IRS4: variants seen among roughly 807,000 people sequenced by gnomAD.
IRS4 encodes the protein insulin receptor substrate 4, also known as 160 kDa phosphotyrosine protein.
In IRS4, 15 loss-of-function variants were observed where a neutral mutation model predicts 48.6. The ratio of observed to expected loss-of-function variants is 0.31; its 90% CI spans 0.21 to 0.48. The LOEUF (loss-of-function observed/expected upper bound fraction) is 0.48, where lower values mean the gene tolerates loss of function less well. Ranked by LOEUF, IRS4 falls within the 20% of genes least tolerant of loss-of-function variation. The probability of loss-of-function intolerance (pLI) is 0.99; values close to 1 mark genes in which losing one functional copy is unlikely to be tolerated. For missense variants in IRS4, 987 were observed against 1,023.4 expected, an observed-to-expected ratio of 0.96 and a Z score of 0.49; for synonymous variants, 459 against 413.2, an observed-to-expected ratio of 1.11 and a Z score of -1.34.
rs2068855034 is a variant in IRS4 at position 108,721,264 on chromosome X, C to T, written c.*1255G>A. The T allele has an allele frequency of 8.9e-6, 1 of 111,767 alleles. No individual in the cohort carries two copies. Among genetic ancestry groups the T allele is most frequent in the African/African-American group, 3.3e-5 (1 of 30,712 alleles). The allele number at this position is 111,767 out of a possible 1,213,427, so 9.2% of individuals were successfully genotyped here. ...ACCACGGAACAAAGCTCTAAGCAAG[C>T]TTCAAGACCTTTGTACCTATTCTCT... On this transcript the variant is annotated 3_prime_UTR_variant, in exon 2 of 2. Transcript: ENST00000372129.
chrX:108,728,686 T>G (rs1032154249), intron 1 of IRS4, among the ~76,000 whole-genome samples: 4 of 112,015 alleles, frequency 3.6e-5, no homozygotes, highest in African/African-American at 1.3e-4. Context: ...AATAGACCCT[T>G]TTAAATCACA....
rs777488915 is a variant in IRS4 at position 108,734,035 on chromosome X, T to C, written c.2310A>G (p.Ser770=). 4 of 1,211,862 alleles carry C rather than the reference T, an allele frequency of 3.3e-6. No homozygotes were observed. The South Asian group carries it at 5.3e-5, about 16-fold the overall frequency. The stretch of plus-strand genomic sequence containing the variant: ...AGTCACTCTCACTGTCATTGTCCTT[T>C]GAGTCATCCTCTTTATTAGTATCAG... ...KAPDTNKEDD[S]KDNDSESDYM... The change falls in exon 1 of 2, where the codon TCA becomes TCG. Residue 770 remains serine (S), a synonymous_variant. Transcript: ENST00000372129.
In IRS4 at chrX:108,722,356, A is replaced by G; in HGVS notation, c.*163T>C. On this transcript the variant is annotated 3_prime_UTR_variant, in exon 2 of 2. Transcript: ENST00000372129. The stretch of plus-strand genomic sequence containing the variant: ...AGTATGAATGATCTGCATGAATAGG[A>G]TCATTCAATTGCCAGAGTCCACTTG... 1 of 246,320 alleles carries G rather than the reference A, an allele frequency of 4.1e-6. No individual in the cohort carries two copies. The highest frequency in any genetic ancestry group is 4.5e-5 in the South Asian group (1 of 22,136). 20.3% of individuals were successfully genotyped at this position (246,320 alleles called of 1,213,427 possible). A position where few individuals can be genotyped will look rare whatever the true frequency, so the allele number is the denominator to read the frequency against.
intron 1 of IRS4, among the ~76,000 whole-genome samples, chrX:108,731,221 TG>T (rs765497211): frequency 3.6e-5 from 4 of 110,200 alleles, no homozygotes; most frequent in Non-Finnish European, 5.7e-5. Flanking sequence ...AAAGGGGATG[TG>T]GGGGGGCTAC....
chrX:108,736,009 G>A lies in IRS4; in HGVS notation c.336C>T (p.Tyr112=). The A allele has an allele frequency of 8.3e-7, 1 of 1,210,375 alleles. No individual in the cohort carries two copies. The highest frequency in any genetic ancestry group is 1.1e-6 in the Non-Finnish European group (1 of 895,253). ...TGTGCCGGAACTTCCTGGCATTTTC[G>A]TAGTATTCCAGCCGAGCTGGGGCGT... ...TADAPARLEY[Y]ENARKFRHSV... Residue 112 remains tyrosine (Y), a synonymous_variant, in exon 1 of 2, where the codon TAC becomes TAT. Coordinates refer to ENST00000372129, the MANE Select transcript of IRS4 (RefSeq NM_001379150.1).
At position 108,733,780 on chromosome X, in the gene IRS4, A is replaced by C; in HGVS notation, c.2565T>G (p.Ala855=). The change falls in exon 1 of 2, where the codon GCT becomes GCG. Residue 855 remains alanine, a synonymous_variant. Coordinates refer to ENST00000372129, the MANE Select transcript of IRS4 (RefSeq NM_001379150.1). ...ATGATCCCTCACCTGAAGGCTTTGA[A>C]GCTGCATCTTTGGGGTCCCAGTTAT... ...VSYNWDPKDA[A]SKPSGEGSFS... The C allele has an allele frequency of 8.3e-7, 1 of 1,211,897 alleles. No homozygotes were observed. Among genetic ancestry groups the C allele is most frequent in the South Asian group, 1.8e-5 (1 of 56,992 alleles).
rs774984415 is a variant in IRS4, at chrX:108,735,643, C to T, written c.702G>A (p.Val234=). The change falls in exon 1 of 2, where the codon GTG becomes GTA. Residue 234 remains valine, a synonymous_variant. Transcript: ENST00000372129. ...AAAEPPFYKD[V]WQVIVKPRGL... ...CCCTGGGTTTGACTATTACCTGCCA[C>T]ACATCTTTATAGAAGGGTGGCTCCG... 2 of 1,206,935 alleles carry T rather than the reference C, an allele frequency of 1.7e-6. No individual in the cohort carries two copies. The highest frequency in any genetic ancestry group is 2.2e-6 in the Non-Finnish European group (2 of 894,199).
chrX:108,734,669 C>T lies in IRS4; in HGVS notation c.1676G>A (p.Gly559Asp). The T allele has an allele frequency of 8.3e-7, 1 of 1,211,161 alleles. No individual in the cohort carries two copies. The highest frequency in any genetic ancestry group is 1.1e-6 in the Non-Finnish European group (1 of 895,388). ...GQGTAGGHGS[G>D]GGQRPGGGHG... The stretch of plus-strand genomic sequence containing the variant: ...CCCACCTCCAGGTCTCTGGCCACCA[C>T]CTGAACCGTGCCCACCTGCGGTGCC... The change falls in exon 1 of 2, where the codon GGT becomes GAT. Residue 559 changes from glycine (G) to aspartate (D), a missense_variant. Around this residue, in one of 4 missense-constraint regions of IRS4, gnomAD observed 720 missense variants for 660.3 expected, o/e 1.09. Transcript: ENST00000372129.
chrX:108,734,483 T>G lies in IRS4; in HGVS notation c.1862A>C (p.Gln621Pro). 2 of 1,211,378 alleles carry G rather than the reference T, an allele frequency of 1.7e-6. No homozygotes were observed. The highest frequency in any genetic ancestry group is 2.2e-6 in the Non-Finnish European group (2 of 895,430). ...TGGTGGCATTTGCTGTTGCTTGCTT[T>G]GAGTTAATTTGCCAAAATAGGATCT... ...KKRSYFGKLTQSKQQQMPPPP... is the reference protein window; with the variant it reads ...KKRSYFGKLTPSKQQQMPPPP... The change falls in exon 1 of 2, where the codon CAA becomes CCA. Residue 621 changes from glutamine (Q) to proline (P), a missense_variant. Physicochemically the swap from Gln to Pro is moderately conservative, Grantham distance 76. Around this residue, in one of 4 missense-constraint regions of IRS4, gnomAD observed 720 missense variants for 660.3 expected, o/e 1.09. Coordinates refer to ENST00000372129, the MANE Select transcript of IRS4 (RefSeq NM_001379150.1).
In IRS4 at chrX:108,730,689, C is replaced by T. The variant is rs1436561451; in HGVS notation, c.3766+1890G>A. ...CAAAGTCATAAATCAGGAATTTATGCTAAAATAATGATCATTGTGTCTAGG... is the reference window on the plus strand; with the variant it reads ...CAAAGTCATAAATCAGGAATTTATGTTAAAATAATGATCATTGTGTCTAGG... On this transcript the variant is annotated intron_variant, in intron 1 of 1. Transcript: ENST00000372129. Among the ~76,000 whole-genome samples, 3 of 111,715 alleles carry T rather than the reference C, an allele frequency of 2.7e-5. No individual in the cohort carries two copies. The East Asian group carries it at 8.4e-4, about 31-fold the overall frequency.
Position 108,732,937 on chromosome X carries a change from C to T in IRS4, c.3408G>A (p.Ala1136=). 1 of 1,187,276 alleles carries T rather than the reference C, an allele frequency of 8.4e-7. No individual in the cohort carries two copies. The highest frequency in any genetic ancestry group is 1.1e-6 in the Non-Finnish European group (1 of 881,547). ...CCGGGGCTGCGGCGAGCGCGGAGGCCGCAGCTACAACTTGGCTGAGGGCTA... is the reference window on the plus strand; with the variant it reads ...CCGGGGCTGCGGCGAGCGCGGAGGCTGCAGCTACAACTTGGCTGAGGGCTA... ...PTLALSQVVA[A]ASALAAAPGI... is the part of the protein sequence containing the mutation. The change falls in exon 1 of 2, where the codon GCG becomes GCA. Residue 1136 remains alanine (A), a synonymous_variant. Coordinates refer to ENST00000372129, the MANE Select transcript of IRS4 (RefSeq NM_001379150.1).
rs753550993 is a variant in IRS4, at chrX:108,732,828, C to T, written c.3517G>A (p.Glu1173Lys). The change falls in exon 1 of 2, where the codon GAA (glutamate) becomes AAA (lysine). Residue 1173 changes from glutamate (E) to lysine (K), a missense_variant. Physicochemically the swap from Glu to Lys is moderately conservative, Grantham distance 56. Around this residue, in one of 4 missense-constraint regions of IRS4, gnomAD observed 720 missense variants for 660.3 expected, o/e 1.09. Transcript: ENST00000372129. Reference protein sequence around the residue: ...FQPVANAADAEAVRGAQDVAG... With the variant: ...FQPVANAADAKAVRGAQDVAG... The stretch of plus-strand genomic sequence containing the variant: ...ACGTCTTGGGCTCCCCTTACTGCTT[C>T]GGCATCAGCAGCATTAGCAACAGGT... 1.0e-5 allele frequency: 12 copies of T among 1,175,912 alleles called. No homozygotes were observed. The East Asian group carries it at 3.0e-4, about 29-fold the overall frequency.
chrX:108,725,916 G>C (rs1289922105), intron 1 of IRS4: 1 of 111,742 alleles, frequency 8.9e-6, no homozygotes, highest in East Asian at 2.8e-4. Flanking sequence ...AGCAGGCCCT[G>C]GGCCACTTAT....
rs953333418 is a variant in IRS4 at position 108,722,205 on chromosome X, T to C, written c.*314A>G. 1 of 113,933 alleles carries C rather than the reference T, an allele frequency of 8.8e-6. No individual in the cohort carries two copies. Among genetic ancestry groups the C allele is most frequent in the Non-Finnish European group, 1.8e-5 (1 of 54,383 alleles). The allele number at this position is 113,933 out of a possible 1,213,427, so 9.4% of individuals were successfully genotyped here. ...TTTTTTTTAAAGAGGGAAAGAGTTATGAGATGCTCACTTGTATAGTATCTG... is the reference window on the plus strand; with the variant it reads ...TTTTTTTTAAAGAGGGAAAGAGTTACGAGATGCTCACTTGTATAGTATCTG... On this transcript the variant is annotated 3_prime_UTR_variant, in exon 2 of 2. Transcript: ENST00000372129.
In IRS4 at chrX:108,734,296, A is replaced by G. The variant is rs2068929755; in HGVS notation, c.2049T>C (p.Ala683=). The change falls in exon 1 of 2, where the codon GCT becomes GCC. Residue 683 remains alanine (A), a synonymous_variant. Coordinates refer to ENST00000372129, the MANE Select transcript of IRS4 (RefSeq NM_001379150.1). Reference sequence around the variant, plus strand: ...AAGCTCTGGCTCTGTGGGGACCTCGAGCTGCACCTTCTGGGATCTCTGCAT... The same window carrying G: ...AAGCTCTGGCTCTGTGGGGACCTCGGGCTGCACCTTCTGGGATCTCTGCAT... ...VKDAEIPEGA[A]RGPHRARAFD... 5 of 1,210,960 alleles carry G rather than the reference A, an allele frequency of 4.1e-6. No homozygotes were observed. The highest frequency in any genetic ancestry group is 5.6e-6 in the Non-Finnish European group (5 of 895,355).
chrX:108,733,653 C>A lies in IRS4; in HGVS notation c.2692G>T (p.Gly898Ter). 1 of 1,211,591 alleles carries A rather than the reference C, an allele frequency of 8.3e-7. No individual in the cohort carries two copies. The change falls in exon 1 of 2, where the codon GGA becomes TGA. Residue 898 changes from glycine to a stop codon, truncating the protein, a stop_gained. Coordinates refer to ENST00000372129, the MANE Select transcript of IRS4 (RefSeq NM_001379150.1). LOFTEE classifies it high-confidence loss of function. ...TGTGGTTTTGGCTTGATTTTATATC[C>A]TTTTGTAATAAAAGAAAGTCGGTTA... ...RPNRLSFITK[G>*]YKIKPKPQKP...
In IRS4 at chrX:108,736,168, G is replaced by A. The variant is rs2068951574; in HGVS notation, c.177C>T (p.Ala59=). 1 of 1,210,130 alleles carries A rather than the reference G, an allele frequency of 8.3e-7. No individual in the cohort carries two copies. Among genetic ancestry groups the A allele is most frequent in the Non-Finnish European group, 1.1e-6 (1 of 894,795 alleles). ...ACTCGGAGTCTGACCGGGAGCCAGT[G>A]GCCGTGGAGAGCCACATGGCTCCCG... ...SCPGAMWLST[A]TGSRSDSESE... is the part of the protein sequence containing the mutation. The change falls in exon 1 of 2, where the codon GCC becomes GCT. Residue 59 remains alanine (A), a synonymous_variant. Transcript: ENST00000372129.
At chrX:108,722,665 C>T (rs1028898515) in intron 1 of IRS4, 142 bp from the exon 2 acceptor site, 28 of 234,439 alleles carry the variant, frequency 1.2e-4, no homozygotes, top group Non-Finnish European at 2.2e-4. Context: ...AGGAGACTGC[C>T]TGGGCATGGA....
At chrX:108,724,637 C>G (rs1384351960) in intron 1 of IRS4, 1 of 111,606 alleles carries the variant, frequency 9.0e-6, no homozygotes. Flanking sequence ...GAGATTAAAA[C>G]TTGGTTGTGA....
Sources: allele counts gnomAD v4.1 joint callset (sites outside exome capture counted in the v4.1 genomes callset), GRCh38; gene constraint gnomAD v4.1.1; regional missense constraint gnomAD v4.1.1; transcripts MANE v1.5; gene names NCBI Gene and HGNC (gene_info 2026-07-23, HGNC 2026-07-21).